DCDC2: variants seen among roughly 807,000 people sequenced by gnomAD.
The protein encoded by DCDC2 is doublecortin domain-containing protein 2.
A neutral mutation model predicts 50.2 loss-of-function variants in DCDC2; 40 were observed. That is an observed-to-expected ratio of 0.80 (90% CI 0.62 to 1.04). The LOEUF (loss-of-function observed/expected upper bound fraction) is 1.04, where lower values mean the gene tolerates loss of function less well. Ranked by LOEUF, DCDC2 falls within the 50% of genes least tolerant of loss-of-function variation. The probability of loss-of-function intolerance (pLI) is 0.00; values close to 1 mark genes in which losing one functional copy is unlikely to be tolerated. For synonymous variants in DCDC2, 234 were observed against 210.6 expected (o/e 1.11, Z -0.96); for missense variants, 570 against 581.9 (o/e 0.98, Z 0.21).
At chr6:24,180,736 C>CT (rs1761052548) in intron 8 of DCDC2, among the ~76,000 whole-genome samples, 1 of 152,170 alleles carries the variant, frequency 6.6e-6, no homozygotes, top group Non-Finnish European at 1.5e-5. Context: ...CCTGACCCCC[C>CT]TTTCCAACTC....
At chr6:24,266,801 C>T (rs1292409651) in intron 7 of DCDC2, among the ~76,000 whole-genome samples, 1 of 152,154 alleles carries the variant, frequency 6.6e-6, no homozygotes, top group African/African-American at 2.4e-5. Context: ...AATCCCACTG[C>T]TAGGGATATA....
chr6:24,207,027 A>T (rs903001163), intron 7 of DCDC2, among the ~76,000 whole-genome samples: 1 of 152,232 alleles, frequency 6.6e-6, no homozygotes, highest in Non-Finnish European at 1.5e-5. Context: ...CCTTTGTGAT[A>T]GGCCTACTAG....
At chr6:24,324,535 A>G (rs1479404745) in intron 2 of DCDC2, among the ~76,000 whole-genome samples, 2 of 152,170 alleles carry the variant, frequency 1.3e-5, no homozygotes, top group East Asian at 1.9e-4. Flanking sequence ...CATCTTTTTC[A>G]TATTTTGCCT....
chr6:24,347,468 GA>G (rs371949980), intron 2 of DCDC2, among the ~76,000 whole-genome samples: 121 of 151,918 alleles, frequency 8.0e-4, no homozygotes, highest in African/African-American at 2.7e-3. Context: ...GAAAGAAAAA[GA>G]AAAAAACTCA....
chr6:24,293,234 G>A (rs984405064), intron 4 of DCDC2, among the ~76,000 whole-genome samples: 2 of 152,196 alleles, frequency 1.3e-5, no homozygotes, highest in African/African-American at 4.8e-5. Flanking sequence ...GCCCAGCACT[G>A]AATAAATTCT....
chr6:24,294,997 T>G (rs1212423403), intron 4 of DCDC2, among the ~76,000 whole-genome samples: 1 of 152,000 alleles, frequency 6.6e-6, no homozygotes, highest in Non-Finnish European at 1.5e-5. Context: ...TACCCAAACC[T>G]GGCAGAGACA....
chr6:24,302,004 C>T lies in DCDC2; in HGVS notation c.389G>A (p.Arg130His), dbSNP rs1449383806. ...VIHSRINVSA[R>H]FRKPLQEPCT... ...CGGCTCCTGAAGCGGTTTTCTAAAG[C>T]GAGCTGACACGTTGATCCTGCTATG... The change falls in exon 3 of 10, where the codon CGC (arginine) becomes CAC (histidine). Residue 130 changes from arginine (R) to histidine (H), a missense_variant. Physicochemically the swap from Arg to His is conservative, Grantham distance 29. Coordinates refer to ENST00000378454, the MANE Select transcript of DCDC2 (RefSeq NM_016356.5). The T allele has an allele frequency of 1.2e-6, 2 of 1,613,952 alleles. No homozygotes were observed. The highest frequency in any genetic ancestry group is 1.7e-5 in the Admixed American group (1 of 59,970).
intron 2 of DCDC2, among the ~76,000 whole-genome samples, chr6:24,319,457 T>C (rs1237669401): frequency 6.6e-6 from 1 of 152,176 alleles, no homozygotes; most frequent in Non-Finnish European, 1.5e-5. Flanking sequence ...AAGTCCCATT[T>C]GTCTACTTTT....
intron 7 of DCDC2, among the ~76,000 whole-genome samples, chr6:24,274,214 C>G (rs753916973): frequency 1.3e-5 from 2 of 152,180 alleles, no homozygotes; most frequent in Non-Finnish European, 2.9e-5. Context: ...ATACTTCTTG[C>G]GTTCACAAGG....
At chr6:24,179,344 G>A (rs373750231) in intron 8 of DCDC2, among the ~76,000 whole-genome samples, 4 of 151,380 alleles carry the variant, frequency 2.6e-5, no homozygotes, top group African/African-American at 9.7e-5. Flanking sequence ...TCAGGAGATC[G>A]AGACCATCCT....
chr6:24,301,882 T>C (rs1219377597), intron 3 of DCDC2, 36 bp from the exon 4 acceptor site: 2 of 1,613,828 alleles, frequency 1.2e-6, no homozygotes, highest in Admixed American at 1.7e-5. Context: ...GAAACAGTTA[T>C]GCCTTGAAAA....
chr6:24,283,947 CCT>C (rs1763535086), intron 6 of DCDC2, among the ~76,000 whole-genome samples: 1 of 152,140 alleles, frequency 6.6e-6, no homozygotes, highest in African/African-American at 2.4e-5. Context: ...GAAATAGCAC[CCT>C]CTCTCACTTC....
chr6:24,220,925 A>AGCGAGCGAGAGAGTGAGCGAGC (rs1345263843), intron 7 of DCDC2, among the ~76,000 whole-genome samples: 6 of 152,008 alleles, frequency 3.9e-5, no homozygotes, highest in East Asian at 1.9e-4. Context: ...CGAGCGAGCG[A>AGCGAGCGAGAGAGTGAGCGAGC]GAGCACATGC....
intron 7 of DCDC2, among the ~76,000 whole-genome samples, chr6:24,258,068 G>A (rs187714096): frequency 7.9e-4 from 121 of 152,310 alleles, no homozygotes; most frequent in Admixed American, 2.0e-3. Flanking sequence ...CTGAAGTAGT[G>A]TGTTCAGAGT....
chr6:24,267,740 C>T (rs779184181), intron 7 of DCDC2, among the ~76,000 whole-genome samples: 1 of 152,132 alleles, frequency 6.6e-6, no homozygotes, highest in Non-Finnish European at 1.5e-5. Context: ...AAGAGAACAA[C>T]CTTTGCAGGC....
At chr6:24,209,718 A>G (rs1013808545) in intron 7 of DCDC2, among the ~76,000 whole-genome samples, 2 of 152,224 alleles carry the variant, frequency 1.3e-5, no homozygotes, top group Admixed American at 6.5e-5. Flanking sequence ...CACAGCAAGT[A>G]TAATAACAGA....
chr6:24,299,344 G>A (rs1177580134), intron 4 of DCDC2, among the ~76,000 whole-genome samples: 1 of 152,146 alleles, frequency 6.6e-6, no homozygotes, highest in South Asian at 2.1e-4. Flanking sequence ...CTAGAGAGGG[G>A]AGGGAAATAG....
intron 7 of DCDC2, among the ~76,000 whole-genome samples, chr6:24,226,260 T>A (rs368422784): frequency 6.6e-6 from 1 of 152,196 alleles, no homozygotes; most frequent in Admixed American, 6.5e-5. Context: ...AAATAGATCA[T>A]CTTCCTAATA....
rs1481753078 is a variant in DCDC2, at chr6:24,357,987, C to A, written c.-237G>T. The A allele has an allele frequency of 2.1e-6, 3 of 1,415,226 alleles. No individual in the cohort carries two copies. Among genetic ancestry groups the A allele is most frequent in the Non-Finnish European group, 2.8e-6 (3 of 1,063,882 alleles). 87.7% of individuals were successfully genotyped at this position (1,415,226 alleles called of 1,614,324 possible). A position where few individuals can be genotyped will look rare whatever the true frequency, so the allele number is the denominator to read the frequency against. ...AAGTTTTTCACCGTGGCGTGCACAG[C>A]CAATCAGGACCCGCAGTGCGCGCAC... is the stretch of plus-strand genomic sequence containing the variant. On this transcript the variant is annotated 5_prime_UTR_variant, in exon 1 of 10. Transcript: ENST00000378454.
Sources: allele counts gnomAD v4.1 joint callset (sites outside exome capture counted in the v4.1 genomes callset), GRCh38; gene constraint gnomAD v4.1.1; transcripts MANE v1.5; gene names NCBI Gene and HGNC (gene_info 2026-07-23, HGNC 2026-07-21).